APTX: variants seen among roughly 807,000 people sequenced by gnomAD.
APTX encodes the protein forkhead-associated domain histidine triad-like protein.
Under a neutral mutation model 42.3 loss-of-function variants are expected in APTX, and 33 were observed. The ratio of observed to expected loss-of-function variants is 0.78; its 90% CI spans 0.59 to 1.04. APTX has a LOEUF of 1.04. Ranked by LOEUF, APTX falls within the 50% of genes least tolerant of loss-of-function variation. The pLI is 0.00. For synonymous variants in APTX, 130 were observed against 146.7 expected (o/e 0.89, Z 0.82); for missense variants, 421 against 415.1 (o/e 1.01, Z -0.12).
chr9:33,012,303 A>G lies in APTX; in HGVS notation c.-5+12720T>C, dbSNP rs540215822. 2.0e-5 allele frequency among the ~76,000 whole-genome samples: 3 copies of G among 152,270 alleles called. No individual in the cohort carries two copies. The South Asian group carries it at 6.2e-4, about 32-fold the overall frequency. On this transcript the variant is annotated intron_variant, in intron 1 of 6. Coordinates refer to the APTX transcript ENST00000436040. ...CATACATGATTAAAGAAAAAAAAAG[A>G]ACGCAAAATTTTTTAGAAAATGTAT...
At chr9:32,991,204 G>C (rs1368631134) in intron 1 of APTX, among the ~76,000 whole-genome samples, 1 of 152,154 alleles carries the variant, frequency 6.6e-6, no homozygotes, top group Admixed American at 6.5e-5. Context: ...GGGATTACAG[G>C]CATGAGCCAC....
At position 32,974,566 on chromosome 9, in the gene APTX, T is replaced by C. The variant is rs751250105; in HGVS notation, c.771-5A>G. ...ATCACATGAAGATGTACATGGCTAG[T>C]TGAAAGAAAAAAAAACTGAGCATTA... On this transcript the variant is annotated splice_polypyrimidine_tract_variant and splice_region_variant and intron_variant, in intron 6 of 7. Coordinates refer to ENST00000379817, the MANE Select transcript of APTX (RefSeq NM_001195248.2). 110 of 1,526,116 alleles carry C rather than the reference T, an allele frequency of 7.2e-5. 1 individual carries two copies. The highest frequency in any genetic ancestry group is 5.1e-4 in the East Asian group (21 of 40,810). 94.5% of individuals were successfully genotyped at this position (1,526,116 alleles called of 1,614,324 possible). A position where few individuals can be genotyped will look rare whatever the true frequency, so the allele number is the denominator to read the frequency against.
At chr9:32,993,628 G>A (rs887078981) in intron 1 of APTX, among the ~76,000 whole-genome samples, 1 of 151,338 alleles carries the variant, frequency 6.6e-6, no homozygotes, top group Non-Finnish European at 1.5e-5. Flanking sequence ...CTCTTCTTAC[G>A]ATGGAATGCT....
intron 1 of APTX, among the ~76,000 whole-genome samples, chr9:32,991,709 G>A (rs1182670941): frequency 4.6e-5 from 7 of 151,736 alleles, no homozygotes; most frequent in African/African-American, 7.3e-5. Context: ...CCCAGGAGGC[G>A]GAGGTTGCAG....
intron 1 of APTX, among the ~76,000 whole-genome samples, chr9:32,997,513 A>G (rs1035828276): frequency 6.6e-6 from 1 of 152,322 alleles, no homozygotes; most frequent in South Asian, 2.1e-4. Flanking sequence ...CCTAAACTTT[A>G]TAACTGAGTC....
intron 1 of APTX, among the ~76,000 whole-genome samples, chr9:32,999,921 C>A (rs1448909245): frequency 6.6e-6 from 1 of 151,914 alleles, no homozygotes; most frequent in Non-Finnish European, 1.5e-5. Context: ...GATCGCGCCA[C>A]TGCACTCCAG....
At chr9:33,001,716 T>A, upstream of APTX, 1 of 1,430,260 alleles carries the variant, frequency 7.0e-7, no homozygotes, top group Admixed American at 1.9e-5. Flanking sequence ...TCTTGCCCAC[T>A]TCCCAGATCA....
chr9:33,012,838 A>G (rs1184084896), intron 1 of APTX, among the ~76,000 whole-genome samples: 1 of 152,206 alleles, frequency 6.6e-6, no homozygotes, highest in Non-Finnish European at 1.5e-5. Flanking sequence ...CCTTTTAGAA[A>G]AAGGGTGGGG....
chr9:32,974,368 GTCAGACTGTTAT>G, intron 7 of APTX, 78 bp downstream of exon 7: 1 of 869,064 alleles, frequency 1.2e-6, no homozygotes, highest in South Asian at 1.4e-5. Context: ...GGTTTTTGAG[GTCAGACTGTTAT>G]TCAGGGAAAC....
At chr9:32,990,929 CT>C (rs984191354) in intron 1 of APTX, among the ~76,000 whole-genome samples, 62 of 147,062 alleles carry the variant, frequency 4.2e-4, no homozygotes, top group Admixed American at 7.5e-4. Flanking sequence ...AATTTCTTTA[CT>C]TTTTTTTTTT....
At chr9:32,986,253 CA>C (rs1366089598) in intron 4 of APTX, 3 of 651,184 alleles carry the variant, frequency 4.6e-6, no homozygotes, top group Non-Finnish European at 8.5e-6. Context: ...CACTCTGTCT[CA>C]CCCAAGCTGG....
At chr9:32,989,526 A>C (rs1451483882) in intron 2 of APTX, 11 of 657,422 alleles carry the variant, frequency 1.7e-5, no homozygotes, top group Non-Finnish European at 2.8e-5. Flanking sequence ...CCATGGTAAC[A>C]GTATGAACTT....
chr9:32,997,195 G>T (rs1428824878), intron 1 of APTX: 2 of 152,098 alleles, frequency 1.3e-5, no homozygotes, highest in Non-Finnish European at 2.9e-5. Context: ...TAATATATGA[G>T]CCCAGCCTTC....
Position 32,987,846 on chromosome 9 carries a change from C to T in APTX, c.181G>A (p.Val61Ile), listed in dbSNP as rs755448350. ...CNKGYVKVKQ[V>I]GVNPTSIDSV... is the part of the protein sequence containing the mutation. The stretch of plus-strand genomic sequence containing the variant: ...TCAATGCTGGTGGGATTGACTCCTA[C>T]CTATGGAATAAACAATCAGAAAATA... Residue 61 changes from valine (V) to isoleucine (I), a missense_variant and splice_region_variant, in exon 4 of 8, where the codon GTA becomes ATA. Transcript: ENST00000379817. 1.9e-5 allele frequency: 31 copies of T among 1,613,006 alleles called. No individual in the cohort carries two copies. The Admixed American group carries it at 4.0e-4, about 21-fold the overall frequency.
At chr9:33,008,802 T>C in intron 1 of APTX, among the ~76,000 whole-genome samples, 1 of 152,184 alleles carries the variant, frequency 6.6e-6, no homozygotes, top group Non-Finnish European at 1.5e-5. Context: ...CCCACCCGCC[T>C]CTACCTCCCA....
chr9:32,976,060 TG>T (rs1272858308), intron 6 of APTX, among the ~76,000 whole-genome samples: 1 of 152,232 alleles, frequency 6.6e-6, no homozygotes, highest in African/African-American at 2.4e-5. Context: ...AATTTTGTTT[TG>T]TTTAAACAAT....
At chr9:33,004,905 G>A (rs904393260), upstream of APTX, among the ~76,000 whole-genome samples, 5 of 151,868 alleles carry the variant, frequency 3.3e-5, no homozygotes, top group Admixed American at 1.3e-4. Context: ...CTCCCAAAGT[G>A]CTGGGATTAC....
chr9:32,995,122 C>T (rs965733454), intron 1 of APTX, among the ~76,000 whole-genome samples: 8 of 152,216 alleles, frequency 5.3e-5, no homozygotes, highest in Non-Finnish European at 1.2e-4. Context: ...AAAACAACAT[C>T]CATTCTGCAG....
chr9:33,002,089 G>A (rs1395496773), upstream of APTX, among the ~76,000 whole-genome samples: 1 of 152,136 alleles, frequency 6.6e-6, no homozygotes, highest in East Asian at 1.9e-4. Context: ...GTTTTTTGTA[G>A]TGCTGTGTAC....
Sources: allele counts gnomAD v4.1 joint callset (sites outside exome capture counted in the v4.1 genomes callset), GRCh38; gene constraint gnomAD v4.1.1; transcripts MANE v1.5; gene names NCBI Gene and HGNC (gene_info 2026-07-23, HGNC 2026-07-21).